KCNMA1: variants seen among roughly 807,000 people sequenced by gnomAD.
KCNMA1 encodes the protein potassium calcium-activated channel subfamily M alpha 1, also known as Calcium-activated potassium channel subunit alpha-1.
KCNMA1 carries 29 observed loss-of-function variants against 140.0 expected under a neutral mutation model. The observed-to-expected ratio is 0.21, with a 90% CI of 0.15 to 0.28. The LOEUF is 0.28. KCNMA1 is among the 10% of genes least tolerant of loss of function. The probability of loss-of-function intolerance (pLI) is 1.00; values close to 1 mark genes in which losing one functional copy is unlikely to be tolerated. For synonymous variants in KCNMA1, 612 were observed against 611.9 expected (o/e 1.00, Z 0.00); for missense variants, 880 against 1,602.2 (o/e 0.55, Z 7.70).
At chr10:76,935,432 C>T (rs2060311372) in intron 23 of KCNMA1, among the ~76,000 whole-genome samples, 1 of 152,180 alleles carries the variant, frequency 6.6e-6, no homozygotes, top group East Asian at 1.9e-4. Flanking sequence ...ACTTTGAAAT[C>T]AGATGTTTGG....
chr10:76,947,561 A>G (rs2064512192), intron 22 of KCNMA1, among the ~76,000 whole-genome samples: 1 of 152,212 alleles, frequency 6.6e-6, no homozygotes, highest in African/African-American at 2.4e-5. Context: ...TGACAGAAAG[A>G]TAACCATGGA....
At chr10:77,486,900 G>A (rs1274268689) in intron 1 of KCNMA1, among the ~76,000 whole-genome samples, 1 of 152,184 alleles carries the variant, frequency 6.6e-6, no homozygotes, top group Non-Finnish European at 1.5e-5. Context: ...AGGTTCAGAG[G>A]CCTTCTCCCT....
intron 2 of KCNMA1, among the ~76,000 whole-genome samples, chr10:77,299,205 A>T (rs1295922602): frequency 6.6e-6 from 1 of 152,224 alleles, no homozygotes; most frequent in Non-Finnish European, 1.5e-5. Flanking sequence ...GCCCTCCCTG[A>T]CTTACTACTA....
chr10:77,587,226 A>G (rs2077509004), intron 1 of KCNMA1: 1 of 151,984 alleles, frequency 6.6e-6, no homozygotes, highest in Admixed American at 6.6e-5. Context: ...AGGCCGTAGC[A>G]TCATCTCTGC....
chr10:77,377,518 CAA>C (rs2095201769), intron 2 of KCNMA1, among the ~76,000 whole-genome samples: 1 of 152,118 alleles, frequency 6.6e-6, no homozygotes, highest in South Asian at 2.1e-4. Flanking sequence ...ACCTCAACTT[CAA>C]AGAGACAGAC....
Position 77,637,586 on chromosome 10 carries a change from TCCG to T in KCNMA1, c.54_56del (p.Gly20del), listed in dbSNP as rs760628050. On this transcript the variant is annotated inframe_deletion, in exon 1 of 28. Coordinates refer to ENST00000286628, the MANE Select transcript of KCNMA1 (RefSeq NM_001161352.2). ...TGCTACTCATTCTAAGACTGCTGCC[TCCG>T]CCGCCGCCGCCGCCGCCGCTGCTGC... 480 of 1,515,216 alleles carry T rather than the reference TCCG, an allele frequency of 3.2e-4. No homozygotes were observed. The highest frequency in any genetic ancestry group is 6.5e-4 in the Admixed American group (32 of 49,492). The allele number at this position is 1,515,216 out of a possible 1,614,324, so 93.9% of individuals were successfully genotyped here. A position where few individuals can be genotyped will look rare whatever the true frequency, so the allele number is the denominator to read the frequency against.
chr10:77,134,058 T>A (rs2097920980), intron 5 of KCNMA1, among the ~76,000 whole-genome samples: 1 of 152,132 alleles, frequency 6.6e-6, no homozygotes, highest in Admixed American at 6.5e-5. Flanking sequence ...ATGGACCTCA[T>A]ACCATAATGG....
chr10:77,018,857 A>T (rs2092496238), intron 17 of KCNMA1, among the ~76,000 whole-genome samples, 156 bp downstream of exon 17: 1 of 152,142 alleles, frequency 6.6e-6, no homozygotes, highest in African/African-American at 2.4e-5. Flanking sequence ...TGTGGAATTC[A>T]CTACATGAAC....
At chr10:77,133,198 C>A in intron 5 of KCNMA1, among the ~76,000 whole-genome samples, 1 of 149,432 alleles carries the variant, frequency 6.7e-6, no homozygotes, top group African/African-American at 2.4e-5. Flanking sequence ...AAAACTTCAG[C>A]CCATCCAATG....
intron 1 of KCNMA1, among the ~76,000 whole-genome samples, chr10:77,535,243 A>G (rs944181840): frequency 1.1e-4 from 17 of 152,214 alleles, no homozygotes; most frequent in Non-Finnish European, 2.1e-4. Flanking sequence ...AAAAGGTCCC[A>G]CCATTGACTC....
At chr10:77,424,271 C>T (rs2096928305) in intron 1 of KCNMA1, among the ~76,000 whole-genome samples, 1 of 152,210 alleles carries the variant, frequency 6.6e-6, no homozygotes, top group Non-Finnish European at 1.5e-5. Context: ...TTCCTTCTAA[C>T]TTATAAAGCA....
chr10:77,105,098 A>C (rs1465754410), intron 9 of KCNMA1, among the ~76,000 whole-genome samples: 1 of 152,160 alleles, frequency 6.6e-6, no homozygotes, highest in Non-Finnish European at 1.5e-5. Context: ...CCAAACCCCT[A>C]TTCTTAGATG....
At chr10:77,084,496 G>A in intron 12 of KCNMA1, 141 bp downstream of exon 12, 3 of 731,582 alleles carry the variant, frequency 4.1e-6, no homozygotes, top group Non-Finnish European at 7.2e-6. Flanking sequence ...GCTCCCCCAG[G>A]CCTATGCAGC....
rs1596116766 is a variant in KCNMA1, at chr10:77,108,423, T to A, written c.1223+58A>T. ...AACAAGAGCCAAAAAAAAAAAAAAA[T>A]GGCATGCAGAGAGGATTCTACCGCA... On this transcript the variant is annotated intron_variant, in intron 9 of 27. Transcript: ENST00000286628. This position sits in a 1 kb window ranked among gnomAD's most constrained non-coding sequence, Gnocchi z 4.6. 37 of 1,322,588 alleles carry A rather than the reference T, an allele frequency of 2.8e-5. No homozygotes were observed. Among genetic ancestry groups the A allele is most frequent in the Admixed American group, 2.2e-4 (11 of 49,896 alleles). 81.9% of individuals were successfully genotyped at this position (1,322,588 alleles called of 1,614,324 possible).
intron 6 of KCNMA1, among the ~76,000 whole-genome samples, chr10:77,114,701 C>T (rs999418593): frequency 6.6e-6 from 1 of 152,216 alleles, no homozygotes; most frequent in African/African-American, 2.4e-5. Flanking sequence ...AGTGACTTTC[C>T]CCGGCTCTCA....
chr10:77,346,833 T>C (rs1042316760), intron 2 of KCNMA1, among the ~76,000 whole-genome samples: 2 of 152,236 alleles, frequency 1.3e-5, no homozygotes, highest in East Asian at 1.9e-4. Context: ...CATATTCTTC[T>C]GGTTCAAGAA....
intron 2 of KCNMA1, among the ~76,000 whole-genome samples, chr10:77,390,681 G>T (rs2095790448): frequency 6.6e-6 from 1 of 152,174 alleles, no homozygotes. Context: ...ACACAACCAG[G>T]CCCTTGCTCT....
intron 2 of KCNMA1, among the ~76,000 whole-genome samples, chr10:77,258,184 G>T (rs2061211730): frequency 6.6e-6 from 1 of 152,190 alleles, no homozygotes; most frequent in African/African-American, 2.4e-5. Flanking sequence ...GCTTGAAAAG[G>T]TAGCCCTCAC....
At chr10:77,246,800 G>A (rs914365155) in intron 3 of KCNMA1, among the ~76,000 whole-genome samples, 1 of 152,102 alleles carries the variant, frequency 6.6e-6, no homozygotes, top group Non-Finnish European at 1.5e-5. Flanking sequence ...TTTTCCAATC[G>A]TAACCCCACT....
Sources: gnomAD v4.1 joint callset for allele counts (sites outside exome capture counted in the v4.1 genomes callset) on GRCh38, gnomAD v4.1.1 for gene constraint, Gnocchi (gnomAD v3.1) non-coding constraint, MANE v1.5 for transcripts, NCBI Gene and HGNC (gene_info 2026-07-23, HGNC 2026-07-21) for gene names.